Variants in CAP2 observed in about 807,000 individuals in gnomAD.
The protein encoded by CAP2 is adenylyl cyclase-associated protein 2.
A neutral mutation model predicts 57.7 loss-of-function variants in CAP2; 24 were observed. The observed-to-expected ratio is 0.42, with a 90% confidence interval of 0.30 to 0.58. The LOEUF (loss-of-function observed/expected upper bound fraction) is 0.58, where lower values mean the gene tolerates loss of function less well. Ranked by LOEUF, CAP2 falls within the 20% of genes least tolerant of loss-of-function variation. The pLI, the probability that CAP2 is intolerant of heterozygous loss-of-function variation, is 0.22. For missense variants in CAP2, 501 were observed against 590.3 expected (o/e 0.85, Z 1.57); for synonymous variants, 194 against 207.2 (o/e 0.94, Z 0.55).
intron 7 of CAP2, among the ~76,000 whole-genome samples, chr6:17,528,085 T>C (rs552706233): frequency 1.1e-3 from 164 of 152,372 alleles, no homozygotes; most frequent in African/African-American, 3.4e-3. Context: ...CAGTACACTA[T>C]TTAATAAATT....
At chr6:17,394,065 G>A (rs1409716524) in intron 1 of CAP2, among the ~76,000 whole-genome samples, 1 of 150,100 alleles carries the variant, frequency 6.7e-6, no homozygotes, top group Non-Finnish European at 1.5e-5. Context: ...AGCTGCCCGG[G>A]GTTGGCGGGC....
At chr6:17,507,404 A>T in intron 5 of CAP2, 92 bp downstream of exon 5, 1 of 1,330,162 alleles carries the variant, frequency 7.5e-7, no homozygotes, top group Non-Finnish European at 1.1e-6. Context: ...CGCTCCTTGC[A>T]CTGAAGGAAG....
At chr6:17,531,556 C>T (rs2113688134) in intron 7 of CAP2, 2 of 1,543,988 alleles carry the variant, frequency 1.3e-6, no homozygotes, top group South Asian at 2.2e-5. Flanking sequence ...GCTTGATCTT[C>T]AGCTCTGCGA....
intron 11 of CAP2, among the ~76,000 whole-genome samples, chr6:17,547,798 G>T (rs866464383): frequency 6.8e-6 from 1 of 147,596 alleles, no homozygotes; most frequent in East Asian, 2.0e-4. Flanking sequence ...CTGAGATCGC[G>T]CCACTGCACT....
intron 7 of CAP2, among the ~76,000 whole-genome samples, chr6:17,534,096 T>A (rs1281213922): frequency 1.3e-5 from 2 of 152,208 alleles, no homozygotes; most frequent in Admixed American, 6.5e-5. Context: ...AACTTCACTT[T>A]CCTGTCCATG....
chr6:17,529,514 G>A (rs1054665285), intron 7 of CAP2, among the ~76,000 whole-genome samples: 2 of 151,756 alleles, frequency 1.3e-5, no homozygotes, highest in African/African-American at 2.4e-5. Context: ...GGTGGCAGGC[G>A]CCTGTAGTCC....
At chr6:17,453,424 G>T (rs1047799754) in intron 3 of CAP2, among the ~76,000 whole-genome samples, 2 of 152,300 alleles carry the variant, frequency 1.3e-5, no homozygotes, top group Admixed American at 6.5e-5. Flanking sequence ...AAATCCATCT[G>T]CGTCTTGTTT....
chr6:17,501,718 C>T (rs1388970190), intron 4 of CAP2, among the ~76,000 whole-genome samples: 1 of 152,168 alleles, frequency 6.6e-6, no homozygotes, highest in Non-Finnish European at 1.5e-5. Flanking sequence ...AAACAATTCC[C>T]TTACTTTGGG....
intron 3 of CAP2, among the ~76,000 whole-genome samples, chr6:17,438,775 A>T (rs904768337): frequency 3.1e-4 from 25 of 79,830 alleles, no homozygotes; most frequent in African/African-American, 2.5e-3. Flanking sequence ...TATTATAAAC[A>T]TATCTTTTTT....
chr6:17,498,232 G>A (rs1458840280), intron 4 of CAP2, among the ~76,000 whole-genome samples: 1 of 152,202 alleles, frequency 6.6e-6, no homozygotes, highest in East Asian at 1.9e-4. Flanking sequence ...ACAAAGAATA[G>A]TAAGTGGGAA....
intron 7 of CAP2, among the ~76,000 whole-genome samples, chr6:17,538,969 C>G (rs1762837272): frequency 6.6e-6 from 1 of 152,194 alleles, no homozygotes; most frequent in Non-Finnish European, 1.5e-5. Flanking sequence ...GATCCTGAGC[C>G]TTGGACCTGG....
At chr6:17,450,055 C>CT (rs560454962) in intron 3 of CAP2, among the ~76,000 whole-genome samples, 110 of 144,376 alleles carry the variant, frequency 7.6e-4, no homozygotes, top group East Asian at 8.0e-4. Context: ...TCAGTTCTAC[C>CT]TTTTTTTTTT....
intron 3 of CAP2, among the ~76,000 whole-genome samples, chr6:17,427,027 A>T (rs918226249): frequency 3.3e-5 from 5 of 152,188 alleles, no homozygotes; most frequent in African/African-American, 1.2e-4. Context: ...GTACGAAAAG[A>T]ATAAGAAAGC....
At chr6:17,426,754 C>T (rs990713062) in intron 3 of CAP2, 64 bp downstream of exon 3, 32 of 1,024,864 alleles carry the variant, frequency 3.1e-5, no homozygotes, top group Middle Eastern at 2.0e-4. Flanking sequence ...CCTCTGACAA[C>T]GCTAACAGCC....
At chr6:17,512,818 A>G (rs1294106837) in intron 6 of CAP2, among the ~76,000 whole-genome samples, 1 of 152,204 alleles carries the variant, frequency 6.6e-6, no homozygotes, top group Non-Finnish European at 1.5e-5. Context: ...CACTCCTTCT[A>G]AATGGCATGC....
intron 1 of CAP2, among the ~76,000 whole-genome samples, chr6:17,400,634 C>G (rs181322955): frequency 6.6e-6 from 1 of 151,918 alleles, no homozygotes; most frequent in African/African-American, 2.4e-5. Context: ...GAGGCTGAGG[C>G]GGGCAGATCA....
chr6:17,523,932 G>GC (rs1762442916), intron 7 of CAP2, among the ~76,000 whole-genome samples: 1 of 152,060 alleles, frequency 6.6e-6, no homozygotes, highest in Non-Finnish European at 1.5e-5. Context: ...AAATTAGCTG[G>GC]GCGTGGTGAC....
chr6:17,449,699 A>T (rs1030132399), intron 3 of CAP2, among the ~76,000 whole-genome samples: 2 of 152,156 alleles, frequency 1.3e-5, no homozygotes, highest in Admixed American at 6.6e-5. Flanking sequence ...ATGAGCCACC[A>T]TGCCCGGCCA....
At chr6:17,479,336 GT>G (rs1229685320) in intron 4 of CAP2, among the ~76,000 whole-genome samples, 1 of 152,114 alleles carries the variant, frequency 6.6e-6, no homozygotes, top group Non-Finnish European at 1.5e-5. Flanking sequence ...CTAAGTCCTT[GT>G]GACCCCTCCT....
Sources: allele counts gnomAD v4.1 joint callset (sites outside exome capture counted in the v4.1 genomes callset), GRCh38; gene constraint gnomAD v4.1.1; transcripts MANE v1.5; gene names NCBI Gene and HGNC (gene_info 2026-07-23, HGNC 2026-07-21).